PIP5K1B: variants seen among roughly 807,000 people sequenced by gnomAD.
The protein encoded by PIP5K1B is phosphatidylinositol 4-phosphate 5-kinase type-1 beta.
A neutral mutation model predicts 67.0 loss-of-function variants in PIP5K1B; 42 were observed. That is an observed-to-expected ratio of 0.63 (90% confidence interval 0.49 to 0.81). The LOEUF (loss-of-function observed/expected upper bound fraction) is 0.81, where lower values mean the gene tolerates loss of function less well. Among genes scored for constraint, PIP5K1B ranks in the 30% least tolerant of loss-of-function variants. The pLI, the probability that PIP5K1B is intolerant of heterozygous loss-of-function variation, is 0.00. For missense variants in PIP5K1B, 459 were observed against 646.3 expected, an observed-to-expected ratio of 0.71 and a Z score of 3.14; for synonymous variants, 214 against 231.4, an observed-to-expected ratio of 0.92 and a Z score of 0.68.
At chr9:69,005,654 C>T (rs1053401020) in intron 15 of PIP5K1B, among the ~76,000 whole-genome samples, 2 of 152,188 alleles carry the variant, frequency 1.3e-5, no homozygotes, top group South Asian at 2.1e-4. Flanking sequence ...GCTGGGATTA[C>T]AGGCATGAGC....
chr9:68,917,580 C>A lies in PIP5K1B; in HGVS notation c.804C>A (p.Ser268Arg). 1.2e-6 allele frequency: 2 copies of A among 1,613,944 alleles called. No homozygotes were observed. The highest frequency in any genetic ancestry group is 1.7e-6 in the Non-Finnish European group (2 of 1,179,860). ...AAAGCTTCAAGATCATGGATTATAGCCTTCTGTTGGGAATTCATTTCCTGG... is the reference window on the plus strand; with the variant it reads ...AAAGCTTCAAGATCATGGATTATAGACTTCTGTTGGGAATTCATTTCCTGG... ...VLESFKIMDYSLLLGIHFLDH... is the reference protein window; with the variant it reads ...VLESFKIMDYRLLLGIHFLDH... The change falls in exon 9 of 16, where the codon AGC (serine) becomes AGA (arginine). Residue 268 changes from serine (S) to arginine (R), a missense_variant. Physicochemically the swap from Ser to Arg is moderately radical, Grantham distance 110. Transcript: ENST00000265382.
chr9:68,847,038 T>A (rs1484533759), intron 4 of PIP5K1B, among the ~76,000 whole-genome samples: 1 of 152,164 alleles, frequency 6.6e-6, no homozygotes, highest in African/African-American at 2.4e-5. Flanking sequence ...ATTTTTATTT[T>A]TTTCTTTTTG....
chr9:68,781,606 A>C (rs936157823), intron 2 of PIP5K1B: 3 of 166,956 alleles, frequency 1.8e-5, no homozygotes, highest in African/African-American at 4.8e-5. Flanking sequence ...TTAAAGAACA[A>C]ATTATAAAAG....
intron 8 of PIP5K1B, among the ~76,000 whole-genome samples, chr9:68,898,266 G>C (rs999437249): frequency 1.3e-5 from 2 of 152,172 alleles, no homozygotes; most frequent in African/African-American, 4.8e-5. Flanking sequence ...CAGGCATCCA[G>C]ATGTCAGGTT....
intron 8 of PIP5K1B, among the ~76,000 whole-genome samples, chr9:68,894,880 C>A (rs565950027): frequency 6.6e-6 from 1 of 152,274 alleles, no homozygotes; most frequent in African/African-American, 2.4e-5. Flanking sequence ...GCTAAGTCAG[C>A]TTTCTTTGAT....
intron 14 of PIP5K1B, among the ~76,000 whole-genome samples, chr9:68,945,457 G>C (rs1035905047): frequency 1.3e-5 from 2 of 152,140 alleles, no homozygotes; most frequent in African/African-American, 4.8e-5. Flanking sequence ...ATGGGCTTAC[G>C]TTAATGTCTA....
intron 2 of PIP5K1B, among the ~76,000 whole-genome samples, chr9:68,773,806 G>C (rs866094736): frequency 6.6e-6 from 1 of 152,208 alleles, no homozygotes; most frequent in African/African-American, 2.4e-5. Context: ...AGATAACATA[G>C]AGGGTGTCTG....
chr9:69,007,883 G>T (rs1831164140), intron 15 of PIP5K1B, among the ~76,000 whole-genome samples: 1 of 151,782 alleles, frequency 6.6e-6, no homozygotes, highest in African/African-American at 2.4e-5. Context: ...GAAATCAGAT[G>T]ATTTGACCCA....
chr9:68,763,102 G>A (rs1019744247), intron 2 of PIP5K1B, among the ~76,000 whole-genome samples: 10 of 152,054 alleles, frequency 6.6e-5, no homozygotes, highest in Admixed American at 6.6e-5. Context: ...AGGATGGACC[G>A]GGATATCTGG....
At chr9:68,806,921 T>A (rs1347793471) in intron 2 of PIP5K1B, among the ~76,000 whole-genome samples, 1 of 151,168 alleles carries the variant, frequency 6.6e-6, no homozygotes, top group Non-Finnish European at 1.5e-5. Context: ...AGTGGCTGAT[T>A]TATTATCTCT....
At chr9:68,960,977 G>A (rs1188734417) in intron 14 of PIP5K1B, among the ~76,000 whole-genome samples, 3 of 152,092 alleles carry the variant, frequency 2.0e-5, no homozygotes, top group East Asian at 1.9e-4. Flanking sequence ...TTGGGAGGCC[G>A]AGGCGGGTGG....
At chr9:68,992,745 T>G (rs1197683845) in intron 15 of PIP5K1B, among the ~76,000 whole-genome samples, 1 of 138,720 alleles carries the variant, frequency 7.2e-6, no homozygotes, top group East Asian at 2.1e-4. Context: ...GAGGCTGAGG[T>G]AGGAGAATCA....
At chr9:68,926,632 C>T (rs1314641021) in intron 12 of PIP5K1B, among the ~76,000 whole-genome samples, 1 of 151,978 alleles carries the variant, frequency 6.6e-6, no homozygotes, top group Non-Finnish European at 1.5e-5. Context: ...AGTGCAATGG[C>T]GCAATCTTGG....
chr9:68,977,634 T>A (rs1829691611), intron 14 of PIP5K1B, among the ~76,000 whole-genome samples: 1 of 151,800 alleles, frequency 6.6e-6, no homozygotes, highest in South Asian at 2.1e-4. Context: ...ATATATTTCA[T>A]AATCATATAA....
chr9:68,839,699 G>C (rs919744022), intron 4 of PIP5K1B, among the ~76,000 whole-genome samples: 1 of 152,164 alleles, frequency 6.6e-6, no homozygotes, highest in African/African-American at 2.4e-5. Flanking sequence ...ATGACACTGT[G>C]CTGCCATCCC....
intron 2 of PIP5K1B, chr9:68,782,908 G>A (rs1251144477): frequency 1.2e-5 from 2 of 167,044 alleles, no homozygotes; most frequent in East Asian, 3.8e-4. Context: ...AACTATGGAA[G>A]CATCTTTGAC....
At chr9:68,733,627 C>CTTTTTT (rs35759487) in intron 1 of PIP5K1B, among the ~76,000 whole-genome samples, 2 of 56,522 alleles carry the variant, frequency 3.5e-5, no homozygotes, top group East Asian at 5.8e-4. Context: ...TACTTAGACT[C>CTTTTTT]TTTTTTTTTT....
chr9:68,723,277 G>A (rs920599691), intron 1 of PIP5K1B, among the ~76,000 whole-genome samples: 4 of 152,030 alleles, frequency 2.6e-5, no homozygotes, highest in Non-Finnish European at 4.4e-5. Context: ...GTTGACTATT[G>A]TGAATAAATG....
intron 2 of PIP5K1B, among the ~76,000 whole-genome samples, chr9:68,761,677 G>A (rs1025647310): frequency 1.3e-5 from 2 of 152,102 alleles, no homozygotes; most frequent in Admixed American, 6.6e-5. Context: ...CGTCTTCAAA[G>A]CTGCAGTAGC....
Sources: allele counts gnomAD v4.1 joint callset (sites outside exome capture counted in the v4.1 genomes callset), GRCh38; gene constraint gnomAD v4.1.1; transcripts MANE v1.5; gene names NCBI Gene and HGNC (gene_info 2026-07-23, HGNC 2026-07-21).